Variants in ARMCX4 observed in about 807,000 individuals in gnomAD.
The protein encoded by ARMCX4 is armadillo repeat containing X-linked 4, also known as armadillo repeat-containing X-linked protein 4.
In ARMCX4, 3 loss-of-function variants were observed where a neutral mutation model predicts 34.7. That is an observed-to-expected ratio of 0.09 (90% CI 0.04 to 0.22). ARMCX4 has a LOEUF of 0.22. Among genes scored for constraint, ARMCX4 ranks in the 10% least tolerant of loss-of-function variants. The pLI is 1.00. For synonymous variants in ARMCX4, 513 were observed against 632.8 expected (o/e 0.81, Z 2.84); for missense variants, 1,448 against 1,720.8 (o/e 0.84, Z 2.81).
At chrX:101,452,671 T>G (rs1200452380), downstream of ARMCX4, among the ~76,000 whole-genome samples, 1 of 110,254 alleles carries the variant, frequency 9.1e-6, no homozygotes, top group Admixed American at 9.8e-5. Flanking sequence ...TTCTCCTTCC[T>G]CAGCCTCCTG....
chrX:101,461,047 T>C (rs1036571056), intron 4 of ARMCX4, among the ~76,000 whole-genome samples: 7 of 112,599 alleles, frequency 6.2e-5, no homozygotes, highest in African/African-American at 1.9e-4. Context: ...ATTTCTGTTA[T>C]AATGAACTGT....
Position 101,489,974 on chromosome X carries a change from T to A in ARMCX4, c.1385T>A (p.Val462Glu). The A allele has an allele frequency of 8.7e-7, 1 of 1,153,424 alleles. No homozygotes were observed. The change falls in exon 6 of 6, where the codon GTG (valine) becomes GAG (glutamate). Residue 462 changes from valine to glutamate, a missense_variant. Coordinates refer to ENST00000423738, the MANE Select transcript of ARMCX4 (RefSeq NM_001256155.3). ...GGCAATCCCAATGTTATGGCTAAGG[T>A]GGGGGATGGGACAGACATGTTGTCC... ...SRGNPNVMAK[V>E]GDGTDMLSCT...
chrX:101,442,465 C>T (rs1303421972), intron 2 of ARMCX4, among the ~76,000 whole-genome samples: 4 of 111,764 alleles, frequency 3.6e-5, no homozygotes, highest in African/African-American at 1.3e-4. Context: ...GAGTCAGACT[C>T]TCAGCCACAC....
intron 2 of ARMCX4, among the ~76,000 whole-genome samples, chrX:101,432,792 A>G (rs1414926055): frequency 3.5e-5 from 1 of 28,937 alleles, no homozygotes; most frequent in East Asian, 8.1e-4. Flanking sequence ...GTATATACAC[A>G]TATACACATG....
chrX:101,443,147 A>AG (rs1288662088), intron 2 of ARMCX4, among the ~76,000 whole-genome samples: 2 of 109,753 alleles, frequency 1.8e-5, no homozygotes, highest in East Asian at 2.8e-4. Context: ...AAAAAAAAAA[A>AG]AAAGAAATAT....
chrX:101,468,314 AG>A (rs1443142401), intron 4 of ARMCX4, among the ~76,000 whole-genome samples: 1 of 110,190 alleles, frequency 9.1e-6, no homozygotes, highest in Non-Finnish European at 1.9e-5. Flanking sequence ...TTTTTGAGAC[AG>A]GGTCTCATTC....
Position 101,495,027 on chromosome X carries a change from G to A in ARMCX4, c.6438G>A (p.Arg2146=). Reference sequence around the variant, plus strand: ...CAAATGTGCAGTTGGCTGGACTAAGGTTGATAAGGCATCTGACTATTACCA... The same window carrying A: ...CAAATGTGCAGTTGGCTGGACTAAGATTGATAAGGCATCTGACTATTACCA... ...LNSNVQLAGL[R]LIRHLTITSE... Residue 2146 remains arginine (R), a synonymous_variant, in exon 6 of 6, where the codon AGG becomes AGA. Transcript: ENST00000423738. 8.7e-7 allele frequency: 1 copy of A among 1,153,805 alleles called. No homozygotes were observed. Among genetic ancestry groups the A allele is most frequent in the Non-Finnish European group, 1.1e-6 (1 of 870,847 alleles).
rs1346179806 is a variant in ARMCX4, at chrX:101,459,163, T to G, written c.-473+13119T>G. The stretch of plus-strand genomic sequence containing the variant: ...TTTAGCCACTCCAGTGAGTTTCCCT[T>G]TTGCCCTTCCTTTCCCTTATGTTTG... On this transcript the variant is annotated intron_variant and NMD_transcript_variant, in intron 4 of 15. Coordinates refer to the ARMCX4 transcript ENST00000433011. 3.6e-5 allele frequency among the ~76,000 whole-genome samples: 4 copies of G among 112,207 alleles called. No homozygotes were observed. In the Admixed American group the frequency reaches 3.8e-4, roughly 11 times the overall value.
chrX:101,490,510 T>C lies in ARMCX4; in HGVS notation c.1921T>C (p.Leu641=). The change falls in exon 6 of 6, where the codon TTG becomes CTG. Residue 641 remains leucine, a synonymous_variant. Transcript: ENST00000423738. ...AGTGGTCAGTTTCCAGGGTGAGGCC[T>C]TGCTTGGCACCAAGAATAAAGTTAA... ...EAVVSFQGEA[L]LGTKNKVKGN... is the part of the protein sequence containing the mutation. 1 of 1,156,210 alleles carries C rather than the reference T, an allele frequency of 8.6e-7. No individual in the cohort carries two copies. The highest frequency in any genetic ancestry group is 1.1e-6 in the Non-Finnish European group (1 of 873,009).
intron 4 of ARMCX4, among the ~76,000 whole-genome samples, chrX:101,453,545 G>A (rs782151066): frequency 9.0e-6 from 1 of 111,591 alleles, no homozygotes; most frequent in East Asian, 2.8e-4. Context: ...GCAAGACTGT[G>A]GAGTAGCAAG....
At chrX:101,527,729 A>T (rs782652431) in intron 11 of ARMCX4, among the ~76,000 whole-genome samples, 70 of 112,205 alleles carry the variant, frequency 6.2e-4, no homozygotes, top group African/African-American at 2.2e-3. Context: ...TAGAAAATCT[A>T]GGAGAAGTGG....
chrX:101,463,574 G>T (rs1932712200), intron 4 of ARMCX4, among the ~76,000 whole-genome samples: 1 of 111,353 alleles, frequency 9.0e-6, no homozygotes, highest in Non-Finnish European at 1.9e-5. Context: ...TGAACCTCAG[G>T]GAAAGTGAGA....
intron 4 of ARMCX4, among the ~76,000 whole-genome samples, chrX:101,470,857 T>G (rs1415424100): frequency 1.2e-4 from 13 of 111,926 alleles, no homozygotes; most frequent in Non-Finnish European, 5.6e-5. Context: ...CTTGTTGGGT[T>G]GTATGGTAAG....
chrX:101,438,585 A>C (rs1451050388), intron 2 of ARMCX4, among the ~76,000 whole-genome samples: 2 of 110,389 alleles, frequency 1.8e-5, no homozygotes, highest in African/African-American at 3.3e-5. Context: ...AAAGTCTCCC[A>C]TTATATTGTG....
At chrX:101,418,889 A>C (rs1555989600) in intron 1 of ARMCX4, 2 of 108,854 alleles carry the variant, frequency 1.8e-5, no homozygotes. Flanking sequence ...CTTGTGATAA[A>C]TCCTTATCCT....
chrX:101,512,254 C>T (rs1934596737), intron 11 of ARMCX4, among the ~76,000 whole-genome samples: 1 of 111,374 alleles, frequency 9.0e-6, no homozygotes, highest in African/African-American at 3.3e-5. Flanking sequence ...TGGTGGCAGG[C>T]GCCTGTAATC....
In ARMCX4 at chrX:101,493,254, T is replaced by G; in HGVS notation, c.4665T>G (p.Ser1555Arg). 1 of 1,155,139 alleles carries G rather than the reference T, an allele frequency of 8.7e-7. No homozygotes were observed. Among genetic ancestry groups the G allele is most frequent in the Non-Finnish European group, 1.1e-6 (1 of 872,608 alleles). The change falls in exon 6 of 6, where the codon AGT (serine) becomes AGG (arginine). Residue 1555 changes from serine (S) to arginine (R), a missense_variant. This residue lies in a region of ARMCX4 where 1,343 missense variants were observed against 1,540.7 expected (regional missense o/e 0.87). Transcript: ENST00000423738. ...GSWDSPGSQV[S>R]GSCWTGAGAV... ...GGGATAGCCCTGGGAGTCAGGTCAG[T>G]GGAAGCTGCTGGACTGGGGCTGGGG...
chrX:101,449,382 C>CA (rs1931849468), downstream of ARMCX4, among the ~76,000 whole-genome samples: 1 of 111,939 alleles, frequency 8.9e-6, no homozygotes, highest in Non-Finnish European at 1.9e-5. Flanking sequence ...TGTAGTTGTG[C>CA]TTCATTTATT....
chrX:101,484,146 A>T (rs1226201278), upstream of ARMCX4, among the ~76,000 whole-genome samples: 3 of 111,528 alleles, frequency 2.7e-5, no homozygotes, highest in Non-Finnish European at 3.8e-5. Context: ...CTTGTGAGGG[A>T]AAAAAATAAT....
Sources: gnomAD v4.1 joint callset for allele counts (sites outside exome capture counted in the v4.1 genomes callset) on GRCh38, gnomAD v4.1.1 for gene constraint, gnomAD v4.1.1 regional missense constraint, MANE v1.5 for transcripts, NCBI Gene and HGNC (gene_info 2026-07-23, HGNC 2026-07-21) for gene names.